Variants in ACTL6B observed in about 807,000 individuals in gnomAD.
ACTL6B encodes the protein actin like 6B.
Under a neutral mutation model 63.3 loss-of-function variants are expected in ACTL6B, and 48 were observed. The ratio of observed to expected loss-of-function variants is 0.76; its 90% CI spans 0.60 to 0.96. ACTL6B has a LOEUF of 0.96. Among genes scored for constraint, ACTL6B ranks in the 50% least tolerant of loss-of-function variants. The pLI, the probability that ACTL6B is intolerant of heterozygous loss-of-function variation, is 0.00. For synonymous variants in ACTL6B, 230 were observed against 223.8 expected, an observed-to-expected ratio of 1.03 and a Z score of -0.25; for missense variants, 350 against 572.2, an observed-to-expected ratio of 0.61 and a Z score of 3.96.
In ACTL6B at chr7:100,643,121, T is replaced by C; in HGVS notation, c.*125A>G. On this transcript the variant is annotated 3_prime_UTR_variant, in exon 14 of 14. Transcript: ENST00000160382. ...CTTTTTTTTCTTAAAACATTTTTACTTCTTTCAACCCAGAAACATCACCAT... is the reference window on the plus strand; with the variant it reads ...CTTTTTTTTCTTAAAACATTTTTACCTCTTTCAACCCAGAAACATCACCAT... The C allele has an allele frequency of 9.2e-7, 1 of 1,092,040 alleles. No homozygotes were observed. 67.6% of individuals were successfully genotyped at this position (1,092,040 alleles called of 1,614,324 possible). A position where few individuals can be genotyped will look rare whatever the true frequency, so the allele number is the denominator to read the frequency against.
Position 100,646,273 on chromosome 7 carries a change from G to A in ACTL6B, c.1176C>T (p.Ile392=), listed in dbSNP as rs911163354. The change falls in exon 13 of 14, where the codon ATC becomes ATT. Residue 392 remains isoleucine (I), a synonymous_variant. Coordinates refer to ENST00000160382, the MANE Select transcript of ACTL6B (RefSeq NM_016188.5). The surrounding 1 kb of genome is among the most constrained non-coding windows in gnomAD (Gnocchi z 6.1). ...STMERKFSPW[I]GGSILASLGT... is the part of the protein sequence containing the mutation. ...CCAGTGAGGCCAGGATGGAACCCCC[G>A]ATCCAGGGGCTGAACTTGCGCTCCA... 3.1e-6 allele frequency: 5 copies of A among 1,614,050 alleles called. No individual in the cohort carries two copies. The highest frequency in any genetic ancestry group is 2.2e-5 in the East Asian group (1 of 44,894).
rs776667271 is a variant in ACTL6B, at chr7:100,655,447, A to G, written c.242T>C (p.Val81Ala). 1.9e-6 allele frequency: 3 copies of G among 1,613,610 alleles called. No homozygotes were observed. Among genetic ancestry groups the G allele is most frequent in the Non-Finnish European group, 2.5e-6 (3 of 1,179,882 alleles). ...CATGCCATTCTTGAGGGGCGACATG[A>G]CCTCCGCTCCATCCCGAGGCACGTG... ...ALHVPRDGAE[V>A]MSPLKNGMIE... is the part of the protein sequence containing the mutation. Residue 81 changes from valine to alanine, a missense_variant, in exon 3 of 14, where the codon GTC (valine) becomes GCC (alanine). Coordinates refer to ENST00000160382, the MANE Select transcript of ACTL6B (RefSeq NM_016188.5). The surrounding 1 kb of genome is among the most constrained non-coding windows in gnomAD (Gnocchi z 4.4).
intron 1 of ACTL6B, 142 bp from the exon 2 acceptor site, chr7:100,656,021 G>C: frequency 1.1e-6 from 1 of 880,454 alleles, no homozygotes; most frequent in Non-Finnish European, 1.7e-6. Flanking sequence ...CCTGGAGTCC[G>C]AGGTCCTGGG....
At position 100,646,467 on chromosome 7, in the gene ACTL6B, A is replaced by T; in HGVS notation, c.1113+84T>A. ...TCTGGTGGCCAGAACAGAAGGAAGG[A>T]CATGGGAAGGATGAAGGGACTCAGT... On this transcript the variant is annotated intron_variant, in intron 12 of 13. Transcript: ENST00000160382. The surrounding 1 kb of genome is among the most constrained non-coding windows in gnomAD (Gnocchi z 6.1). The T allele has an allele frequency of 6.4e-7, 1 of 1,558,060 alleles. No homozygotes were observed. Among genetic ancestry groups the T allele is most frequent in the South Asian group, 1.1e-5 (1 of 89,766 alleles).
Position 100,646,258 on chromosome 7 carries a change from C to A in ACTL6B, c.1191G>T (p.Leu397=), listed in dbSNP as rs762199776. ...GTCCCTTTCCTCTCACCAGTGAGGC[C>A]AGGATGGAACCCCCGATCCAGGGGC... ...KFSPWIGGSI[L]ASLGTFQQMW... The change falls in exon 13 of 14, where the codon CTG becomes CTT. Residue 397 remains leucine (L), a synonymous_variant. Coordinates refer to ENST00000160382, the MANE Select transcript of ACTL6B (RefSeq NM_016188.5). The surrounding 1 kb of genome is among the most constrained non-coding windows in gnomAD (Gnocchi z 6.1). 1.2e-6 allele frequency: 2 copies of A among 1,614,112 alleles called. No individual in the cohort carries two copies.
At position 100,646,713 on chromosome 7, in the gene ACTL6B, G is replaced by T; in HGVS notation, c.1017+38C>A. The T allele has an allele frequency of 6.2e-7, 1 of 1,613,036 alleles. No homozygotes were observed. The highest frequency in any genetic ancestry group is 1.7e-4 in the Middle Eastern group (1 of 6,060). On this transcript the variant is annotated intron_variant, in intron 11 of 13. Coordinates refer to ENST00000160382, the MANE Select transcript of ACTL6B (RefSeq NM_016188.5). This position sits in a 1 kb window ranked among gnomAD's most constrained non-coding sequence, Gnocchi z 6.1. ...CAACCCCGTCTCCCCACTTCCCCTG[G>T]GCCCCTTTGCCGAGCCTCAGCTCCG...
At chr7:100,656,256 T>A (rs1804038270) in intron 1 of ACTL6B, 74 bp downstream of exon 1, 1 of 1,353,564 alleles carries the variant, frequency 7.4e-7, no homozygotes, top group Non-Finnish European at 9.5e-7. Flanking sequence ...GGCCCCGGGG[T>A]GCCCAGAGCT....
intron 5 of ACTL6B, among the ~76,000 whole-genome samples, chr7:100,649,502 T>C (rs1305905440): frequency 6.6e-6 from 1 of 151,906 alleles, no homozygotes; most frequent in African/African-American, 2.4e-5. Context: ...TTTGCCATGT[T>C]GGCCGGACTG....
intron 4 of ACTL6B, among the ~76,000 whole-genome samples, chr7:100,652,179 G>T (rs570588063): frequency 1.3e-4 from 19 of 151,794 alleles, no homozygotes; most frequent in African/African-American, 4.3e-4. Flanking sequence ...CCGGCGGATC[G>T]CGAGGTCAGG....
intron 4 of ACTL6B, 147 bp from the exon 5 acceptor site, chr7:100,650,282 T>C: frequency 1.5e-6 from 1 of 655,166 alleles, no homozygotes. Context: ...ACCTAAACAC[T>C]CACACATACA....
chr7:100,651,586 T>C (rs910264001), intron 4 of ACTL6B, among the ~76,000 whole-genome samples: 1 of 151,868 alleles, frequency 6.6e-6, no homozygotes, highest in Admixed American at 6.6e-5. Flanking sequence ...GATTATTATT[T>C]AATTAATTAT....
In ACTL6B at chr7:100,655,368, T is replaced by A. The variant is rs1023769622; in HGVS notation, c.268+53A>T. The A allele has an allele frequency of 3.2e-6, 5 of 1,578,750 alleles. No individual in the cohort carries two copies. The highest frequency in any genetic ancestry group is 2.7e-5 in the African/African-American group (2 of 73,754). ...GAGTGGGGGCTGCTATGACCCAGAT[T>A]GTGGGGAGCGGGCTCCTTTTCTGTC... On this transcript the variant is annotated intron_variant, in intron 3 of 13. Coordinates refer to ENST00000160382, the MANE Select transcript of ACTL6B (RefSeq NM_016188.5). This position sits in a 1 kb window ranked among gnomAD's most constrained non-coding sequence, Gnocchi z 4.4.
At position 100,646,484 on chromosome 7, in the gene ACTL6B, G is replaced by C; in HGVS notation, c.1113+67C>G. The C allele has an allele frequency of 6.4e-7, 1 of 1,571,200 alleles. No individual in the cohort carries two copies. The stretch of plus-strand genomic sequence containing the variant: ...AAGGAAGGACATGGGAAGGATGAAG[G>C]GACTCAGTCCTGGACAGCTGAGCCA... On this transcript the variant is annotated intron_variant, in intron 12 of 13. Transcript: ENST00000160382. This position sits in a 1 kb window ranked among gnomAD's most constrained non-coding sequence, Gnocchi z 6.1.
chr7:100,655,563 C>T lies in ACTL6B; in HGVS notation c.126G>A (p.Gly42=), dbSNP rs1041596027. 1 of 1,613,356 alleles carries T rather than the reference C, an allele frequency of 6.2e-7. No homozygotes were observed. The highest frequency in any genetic ancestry group is 1.3e-5 in the African/African-American group (1 of 75,064). Reference sequence around the variant, plus strand: ...CGCCCCCCTCCTCCGCGGCCAGCAGCCCCACTGTGGTGGGGAAGTCAGCCT... The same window carrying T: ...CGCCCCCCTCCTCCGCGGCCAGCAGTCCCACTGTGGTGGGGAAGTCAGCCT... ...CPKADFPTTV[G]LLAAEEGGGL... Residue 42 remains glycine, a synonymous_variant, in exon 3 of 14, where the codon GGG becomes GGA. Transcript: ENST00000160382. The surrounding 1 kb of genome is among the most constrained non-coding windows in gnomAD (Gnocchi z 4.4).
At chr7:100,644,156 T>C (rs1197452600) in intron 13 of ACTL6B, among the ~76,000 whole-genome samples, 1 of 152,198 alleles carries the variant, frequency 6.6e-6, no homozygotes, top group African/African-American at 2.4e-5. Flanking sequence ...CGCCTCGGCC[T>C]CCCAAAGTGC....
Position 100,647,647 on chromosome 7 carries a change from T to C in ACTL6B, c.670-114A>G, listed in dbSNP as rs1320557754. On this transcript the variant is annotated intron_variant, in intron 7 of 13. Coordinates refer to ENST00000160382, the MANE Select transcript of ACTL6B (RefSeq NM_016188.5). This position sits in a 1 kb window ranked among gnomAD's most constrained non-coding sequence, Gnocchi z 4.4. ...CCTGGCGCTGCAGGCTCTGCTGTGCTGCCTGCAAGAGGGGTTTCTCACCCT... is the reference window on the plus strand; with the variant it reads ...CCTGGCGCTGCAGGCTCTGCTGTGCCGCCTGCAAGAGGGGTTTCTCACCCT... 43 of 762,050 alleles carry C rather than the reference T, an allele frequency of 5.6e-5. No homozygotes were observed. Among genetic ancestry groups the C allele is most frequent in the Non-Finnish European group, 5.6e-5 (26 of 465,616 alleles). 47.2% of individuals were successfully genotyped at this position (762,050 alleles called of 1,614,324 possible). A position where few individuals can be genotyped will look rare whatever the true frequency, so the allele number is the denominator to read the frequency against.
intron 13 of ACTL6B, among the ~76,000 whole-genome samples, chr7:100,645,093 T>C (rs899403342): frequency 9.2e-5 from 14 of 151,990 alleles, no homozygotes; most frequent in African/African-American, 2.4e-4. Context: ...AAACAAGAAC[T>C]GTGTGGCTGA....
rs929645764 is a variant in ACTL6B, at chr7:100,655,380, G to T, written c.268+41C>A. On this transcript the variant is annotated intron_variant, in intron 3 of 13. Transcript: ENST00000160382. This position sits in a 1 kb window ranked among gnomAD's most constrained non-coding sequence, Gnocchi z 4.4. ...CTATGACCCAGATTGTGGGGAGCGG[G>T]CTCCTTTTCTGTCAGGAGGTGATGG... is the stretch of plus-strand genomic sequence containing the variant. 15 of 1,595,010 alleles carry T rather than the reference G, an allele frequency of 9.4e-6. No individual in the cohort carries two copies. The highest frequency in any genetic ancestry group is 8.7e-5 in the Admixed American group (5 of 57,450).
Position 100,647,583 on chromosome 7 carries a change from A to AC in ACTL6B, c.670-51dup. 1 of 1,354,648 alleles carries AC rather than the reference A, an allele frequency of 7.4e-7. No individual in the cohort carries two copies. The highest frequency in any genetic ancestry group is 1.0e-6 in the Non-Finnish European group (1 of 985,886). The allele number at this position is 1,354,648 out of a possible 1,614,324, so 83.9% of individuals were successfully genotyped here. A position where few individuals can be genotyped will look rare whatever the true frequency, so the allele number is the denominator to read the frequency against. ...CCCTTTCCTAGCCCACCTGACCCCC[A>AC]CCCCCACCTTCCTGGCACTGTTCCC... is the stretch of plus-strand genomic sequence containing the variant. On this transcript the variant is annotated intron_variant, in intron 7 of 13. Transcript: ENST00000160382. The surrounding 1 kb of genome is among the most constrained non-coding windows in gnomAD (Gnocchi z 4.4).
Sources: gnomAD v4.1 joint callset for allele counts (sites outside exome capture counted in the v4.1 genomes callset) on GRCh38, gnomAD v4.1.1 for gene constraint, Gnocchi (gnomAD v3.1) non-coding constraint, MANE v1.5 for transcripts, NCBI Gene and HGNC (gene_info 2026-07-23, HGNC 2026-07-21) for gene names.